The following FAH variants were observed in gnomAD, a reference collection of about 807,000 sequenced individuals.
FAH encodes fumarylacetoacetase.
In FAH, 47 loss-of-function variants were observed where a neutral mutation model predicts 55.8. That is an observed-to-expected ratio of 0.84 (90% CI 0.67 to 1.07). FAH has a LOEUF of 1.07. FAH is among the 50% of genes least tolerant of loss of function. The probability of loss-of-function intolerance (pLI) is 0.00; values close to 1 mark genes in which losing one functional copy is unlikely to be tolerated. For missense variants in FAH, 495 were observed against 545.9 expected, an observed-to-expected ratio of 0.91 and a Z score of 0.93; for synonymous variants, 199 against 207.7, an observed-to-expected ratio of 0.96 and a Z score of 0.36.
intron 7 of FAH, among the ~76,000 whole-genome samples, chr15:80,168,666 T>G (rs1013321594): frequency 6.6e-6 from 1 of 152,244 alleles, no homozygotes; most frequent in Non-Finnish European, 1.5e-5. Flanking sequence ...TGCCTTCTTG[T>G]CTCAGCTTAT....
chr15:80,175,680 G>A (rs374525068), intron 10 of FAH, among the ~76,000 whole-genome samples: 112 of 152,374 alleles, frequency 7.4e-4, no homozygotes, highest in East Asian at 3.5e-3. Context: ...CCAATGGGGC[G>A]TTGGTAATAA....
Position 80,162,282 on chromosome 15 carries a change from C to A in FAH, c.401C>A (p.Ala134Asp), listed in dbSNP as rs121965074. The A allele has an allele frequency of 6.2e-7, 1 of 1,614,238 alleles. No homozygotes were observed. Among genetic ancestry groups the A allele is most frequent in the Non-Finnish European group, 8.5e-7 (1 of 1,180,038 alleles). ...GACTTCTATTCCTCTCGGCAGCATG[C>A]TACCAACGTCGGAATCATGTTCAGG... ...YTDFYSSRQH[A>D]TNVGIMFRDK... is the part of the protein sequence containing the mutation. Residue 134 changes from alanine to aspartate, a missense_variant, in exon 5 of 14, where the codon GCT becomes GAT. Coordinates refer to ENST00000561421, the MANE Select transcript of FAH (RefSeq NM_000137.4).
chr15:80,174,703 C>T (rs867750207), intron 9 of FAH, among the ~76,000 whole-genome samples: 4 of 152,198 alleles, frequency 2.6e-5, no homozygotes, highest in African/African-American at 4.8e-5. Context: ...TTCTCCATCT[C>T]GGCCTGTCTG....
At chr15:80,179,109 T>G (rs1302561116) in intron 11 of FAH, among the ~76,000 whole-genome samples, 1 of 152,166 alleles carries the variant, frequency 6.6e-6, no homozygotes, top group Non-Finnish European at 1.5e-5. Flanking sequence ...TTTTTTGAAG[T>G]GGTTATACCA....
intron 10 of FAH, among the ~76,000 whole-genome samples, chr15:80,175,708 G>A (rs2041277750): frequency 6.6e-6 from 1 of 152,244 alleles, no homozygotes; most frequent in Admixed American, 6.5e-5. Context: ...GGCTCTGCAG[G>A]CCATGACTCT....
At chr15:80,169,212 G>A (rs539584577) in intron 7 of FAH, among the ~76,000 whole-genome samples, 7 of 152,036 alleles carry the variant, frequency 4.6e-5, no homozygotes, top group South Asian at 2.1e-4. Context: ...GTGAAACCCC[G>A]TCTCTACTAA....
At chr15:80,152,981 A>T, upstream of FAH, 1 of 1,371,986 alleles carries the variant, frequency 7.3e-7, no homozygotes, top group Non-Finnish European at 1.0e-6. Flanking sequence ...GCCGGGCCTG[A>T]CCACAGCGGC....
chr15:80,155,539 A>C (rs1318605566), intron 1 of FAH, among the ~76,000 whole-genome samples: 1 of 152,158 alleles, frequency 6.6e-6, no homozygotes, highest in Non-Finnish European at 1.5e-5. Flanking sequence ...GTCCAGCCCT[A>C]CGGGGCTTAG....
intron 1 of FAH, chr15:80,156,065 C>G (rs2041096315): frequency 3.2e-6 from 1 of 316,868 alleles, no homozygotes; most frequent in Non-Finnish European, 6.2e-6. Flanking sequence ...CTACAGGAAG[C>G]TGGTGGAGCA....
At chr15:80,171,654 G>A (rs1398836696) in intron 7 of FAH, among the ~76,000 whole-genome samples, 1 of 152,092 alleles carries the variant, frequency 6.6e-6, no homozygotes, top group African/African-American at 2.4e-5. Flanking sequence ...TAGAGGTGGG[G>A]TCTCACTATG....
chr15:80,183,460 T>C (rs1331366148), intron 13 of FAH, among the ~76,000 whole-genome samples: 1 of 152,236 alleles, frequency 6.6e-6, no homozygotes, highest in Non-Finnish European at 1.5e-5. Context: ...GTTCCCCGCA[T>C]TGGCGGACGG....
intron 7 of FAH, among the ~76,000 whole-genome samples, chr15:80,168,845 C>A (rs544439147): frequency 1.3e-5 from 2 of 152,238 alleles, no homozygotes; most frequent in South Asian, 4.1e-4. Context: ...AGAGAATATG[C>A]GTGTTAGTAA....
At chr15:80,159,270 C>G (rs1329369574) in intron 2 of FAH, among the ~76,000 whole-genome samples, 1 of 151,574 alleles carries the variant, frequency 6.6e-6, no homozygotes. Context: ...GATGAAGTCT[C>G]ACTATATTGC....
At chr15:80,167,961 A>G (rs934980811) in intron 5 of FAH, 91 bp from the exon 6 acceptor site, 2 of 1,028,938 alleles carry the variant, frequency 1.9e-6, no homozygotes, top group Admixed American at 1.8e-5. Context: ...GTATGTGGCG[A>G]CTCTTTGTTT....
chr15:80,160,603 T>C (rs2041140821), intron 4 of FAH, 144 bp downstream of exon 4: 1 of 763,830 alleles, frequency 1.3e-6, no homozygotes, highest in African/African-American at 1.7e-5. Flanking sequence ...TGTTACCCGC[T>C]CCTCATCACT....
rs535328401 is a variant in FAH, at chr15:80,165,673, C to T, written c.456-2379C>T. Among the ~76,000 whole-genome samples, 61 of 149,804 alleles carry T rather than the reference C, an allele frequency of 4.1e-4. 1 individual carries two copies. Among genetic ancestry groups the T allele is most frequent in the African/African-American group, 1.1e-3 (43 of 40,562 alleles). On this transcript the variant is annotated intron_variant, in intron 5 of 13. Transcript: ENST00000561421. Reference sequence around the variant, plus strand: ...TCACACCACTGCACTCCAGCCTGGGCGACAGAGCGAGACTCTGTCTCAAAC... The same window carrying T: ...TCACACCACTGCACTCCAGCCTGGGTGACAGAGCGAGACTCTGTCTCAAAC...
chr15:80,153,164 G>T, intron 1 of FAH, 29 bp downstream of exon 1: 5 of 1,500,128 alleles, frequency 3.3e-6, no homozygotes, highest in Non-Finnish European at 4.5e-6. Flanking sequence ...GCGTCCGGGC[G>T]CGGGGAGGGA....
intron 13 of FAH, among the ~76,000 whole-genome samples, chr15:80,185,067 CTAATATT>C (rs892607510): frequency 6.6e-6 from 1 of 152,136 alleles, no homozygotes; most frequent in African/African-American, 2.4e-5. Flanking sequence ...ATGAAGGAAA[CTAATATT>C]TATTAGTTTC....
intron 10 of FAH, among the ~76,000 whole-genome samples, chr15:80,176,371 C>T (rs1034538239): frequency 6.6e-6 from 1 of 152,352 alleles, no homozygotes. Flanking sequence ...TTTGCCATGT[C>T]TGTCTCACTG....
Sources: allele counts gnomAD v4.1 joint callset (sites outside exome capture counted in the v4.1 genomes callset), GRCh38; gene constraint gnomAD v4.1.1; transcripts MANE v1.5; gene names NCBI Gene and HGNC (gene_info 2026-07-23, HGNC 2026-07-21).